The following PNLIP variants were observed in gnomAD, a reference collection of about 807,000 sequenced individuals.
The protein encoded by PNLIP is pancreatic triacylglycerol lipase.
PNLIP carries 49 observed loss-of-function variants against 57.1 expected under a neutral mutation model. The observed-to-expected ratio is 0.86, with a 90% CI of 0.68 to 1.09. The LOEUF (loss-of-function observed/expected upper bound fraction) is 1.09. PNLIP is among the 50% of genes least tolerant of loss of function. The pLI is 0.00. For missense variants in PNLIP, 503 were observed against 570.2 expected (o/e 0.88, Z 1.20); for synonymous variants, 209 against 200.4 (o/e 1.04, Z -0.36).
chr10:116,547,189 A>G (rs1847134729), intron 2 of PNLIP, 105 bp from the exon 3 acceptor site: 3 of 1,034,614 alleles, frequency 2.9e-6, no homozygotes, highest in Non-Finnish European at 4.5e-6. Context: ...TGAGAGTAGC[A>G]GAGGAGGAAA....
At chr10:116,567,311 G>C (rs201620309) in intron 12 of PNLIP, among the ~76,000 whole-genome samples, 1 of 151,488 alleles carries the variant, frequency 6.6e-6, no homozygotes, top group Admixed American at 6.6e-5. Flanking sequence ...CAGTCACAAT[G>C]AGAAAAGTTT....
chr10:116,551,756 CA>C (rs1847196595), intron 5 of PNLIP, among the ~76,000 whole-genome samples: 1 of 152,210 alleles, frequency 6.6e-6, no homozygotes, highest in East Asian at 1.9e-4. Context: ...AGTAAAACAA[CA>C]AAATACAGCC....
chr10:116,550,102 C>T (rs1311511398), intron 4 of PNLIP, among the ~76,000 whole-genome samples: 5 of 146,882 alleles, frequency 3.4e-5, no homozygotes, highest in Admixed American at 6.8e-5. Context: ...TCTGTCCCCC[C>T]GGCTAGAGTG....
At chr10:116,564,934 G>A (rs1450913774) in intron 12 of PNLIP, among the ~76,000 whole-genome samples, 1 of 152,064 alleles carries the variant, frequency 6.6e-6, no homozygotes, top group Non-Finnish European at 1.5e-5. Flanking sequence ...GAGATAAAAT[G>A]GAATAAAATA....
rs772734103 is a variant in PNLIP at position 116,556,067 on chromosome 10, C to A, written c.879C>A (p.Asn293Lys). The change falls in exon 9 of 13, where the codon AAC becomes AAA. Residue 293 changes from asparagine (N) to lysine (K), a missense_variant. Coordinates refer to ENST00000369221, the MANE Select transcript of PNLIP (RefSeq NM_000936.4). ...SYKYYTDSIV[N>K]PDGFAGFPCA... ...AATATTACACTGATAGCATCGTCAA[C>A]CCTGATGGCTTTGCTGGATTCCCCT... 1.2e-6 allele frequency: 2 copies of A among 1,613,854 alleles called. No homozygotes were observed. Among genetic ancestry groups the A allele is most frequent in the African/African-American group, 2.7e-5 (2 of 74,920 alleles).
intron 8 of PNLIP, 33 bp downstream of exon 8, chr10:116,555,540 T>A: frequency 6.2e-7 from 1 of 1,603,182 alleles, no homozygotes; most frequent in Non-Finnish European, 8.5e-7. Context: ...GAGATCTTCT[T>A]GGGAGAAAGC....
intron 3 of PNLIP, 25 bp downstream of exon 3, chr10:116,547,473 A>G (rs757744199): frequency 2.5e-6 from 4 of 1,593,690 alleles, no homozygotes; most frequent in Non-Finnish European, 3.4e-6. Flanking sequence ...TGTGTTTAGA[A>G]CTAAGTTCTT....
At chr10:116,548,593 T>C in intron 4 of PNLIP, 111 bp downstream of exon 4, 2 of 1,196,858 alleles carry the variant, frequency 1.7e-6, no homozygotes, top group Non-Finnish European at 2.4e-6. Context: ...TTGGAGGATA[T>C]TCAGACCCCT....
At chr10:116,563,874 G>GA (rs993875918) in intron 12 of PNLIP, among the ~76,000 whole-genome samples, 2 of 151,998 alleles carry the variant, frequency 1.3e-5, no homozygotes, top group Admixed American at 6.6e-5. Context: ...AATACACAGA[G>GA]AAAAAAATCT....
intron 12 of PNLIP, among the ~76,000 whole-genome samples, chr10:116,562,710 C>G (rs142162944): frequency 6.6e-6 from 1 of 152,242 alleles, no homozygotes; most frequent in African/African-American, 2.4e-5. Context: ...ATTGAAATAT[C>G]CATTTGATGG....
rs777212039 is a variant in PNLIP at position 116,547,288 on chromosome 10, T to C, written c.47-6T>C. 1.2e-6 allele frequency: 2 copies of C among 1,613,644 alleles called. No homozygotes were observed. The highest frequency in any genetic ancestry group is 1.3e-5 in the African/African-American group (1 of 74,886). On this transcript the variant is annotated splice_polypyrimidine_tract_variant and splice_region_variant and intron_variant, in intron 2 of 12. Transcript: ENST00000369221. ...GTAAAACTAATATCCTTCTGGGGGA[T>C]TGCAGGAAAAGAAGTTTGCTACGAA...
chr10:116,564,359 T>C (rs1284638652), intron 12 of PNLIP, among the ~76,000 whole-genome samples: 1 of 152,026 alleles, frequency 6.6e-6, no homozygotes, highest in Non-Finnish European at 1.5e-5. Context: ...TCAGGAACAA[T>C]GCAAGCCAGA....
chr10:116,565,209 C>G (rs1847352078), intron 12 of PNLIP, among the ~76,000 whole-genome samples: 1 of 116,432 alleles, frequency 8.6e-6, no homozygotes, highest in Non-Finnish European at 1.6e-5. Context: ...AAGATCGCAC[C>G]ACTGCACTCC....
At chr10:116,561,828 G>A (rs1847318728) in intron 12 of PNLIP, among the ~76,000 whole-genome samples, 192 bp downstream of exon 12, 1 of 152,224 alleles carries the variant, frequency 6.6e-6, no homozygotes, top group Admixed American at 6.5e-5. Flanking sequence ...ATCAATTCAT[G>A]ATAGATGTGT....
chr10:116,564,664 CTA>C (rs1847345563), intron 12 of PNLIP, among the ~76,000 whole-genome samples: 1 of 151,924 alleles, frequency 6.6e-6, no homozygotes, highest in African/African-American at 2.4e-5. Context: ...AAAAAATTGA[CTA>C]TTTAAAAAAT....
At chr10:116,565,383 A>G (rs186069124) in intron 12 of PNLIP, among the ~76,000 whole-genome samples, 21 of 152,064 alleles carry the variant, frequency 1.4e-4, no homozygotes, top group African/African-American at 4.6e-4. Context: ...TCTAAATACT[A>G]CAATTAGAAG....
chr10:116,555,705 C>G (rs542213557), intron 8 of PNLIP, among the ~76,000 whole-genome samples, 198 bp downstream of exon 8: 2 of 152,314 alleles, frequency 1.3e-5, no homozygotes, highest in Non-Finnish European at 2.9e-5. Context: ...TATTTTCAGT[C>G]AACTTCAGAG....
At position 116,548,349 on chromosome 10, in the gene PNLIP, T is replaced by G; in HGVS notation, c.202-11T>G. 1.2e-6 allele frequency: 2 copies of G among 1,613,398 alleles called. No homozygotes were observed. The highest frequency in any genetic ancestry group is 1.1e-5 in the South Asian group (1 of 90,982). On this transcript the variant is annotated splice_polypyrimidine_tract_variant and intron_variant, in intron 3 of 12. Coordinates refer to ENST00000369221, the MANE Select transcript of PNLIP (RefSeq NM_000936.4). ...AGGAAACTGACATGAAACACTTTTC[T>G]GTCTAAACAGGAAGTTGCCGCAGAT... is the stretch of plus-strand genomic sequence containing the variant.
rs770034879 is a variant in PNLIP, at chr10:116,559,258, C to T, written c.1035C>T (p.Asp345=). The T allele has an allele frequency of 1.4e-5, 23 of 1,613,674 alleles. No homozygotes were observed. In the East Asian group the frequency reaches 4.7e-4, roughly 33 times the overall value. ...TNDVGQKFYL[D]TGDASNFARW... is the part of the protein sequence containing the mutation. ...ATGTGGGCCAGAAATTTTATCTAGACACTGGTGATGCCAGTAATTTTGCAC... is the reference window on the plus strand; with the variant it reads ...ATGTGGGCCAGAAATTTTATCTAGATACTGGTGATGCCAGTAATTTTGCAC... The change falls in exon 10 of 13, where the codon GAC becomes GAT. Residue 345 remains aspartate (D), a synonymous_variant. Transcript: ENST00000369221.
Sources: allele counts gnomAD v4.1 joint callset (sites outside exome capture counted in the v4.1 genomes callset), GRCh38; gene constraint gnomAD v4.1.1; transcripts MANE v1.5; gene names NCBI Gene and HGNC (gene_info 2026-07-23, HGNC 2026-07-21).